Variants in TRAIP observed in about 807,000 individuals in gnomAD.
TRAIP encodes TRAF interacting protein, also known as E3 ubiquitin-protein ligase TRAIP.
TRAIP carries 37 observed loss-of-function variants against 65.0 expected under a neutral mutation model. The ratio of observed to expected loss-of-function variants is 0.57; its 90% CI spans 0.44 to 0.75. TRAIP has a LOEUF of 0.75. Ranked by LOEUF, TRAIP falls within the 30% of genes least tolerant of loss-of-function variation. The pLI is 0.00. For missense variants in TRAIP, 481 were observed against 579.4 expected, an observed-to-expected ratio of 0.83 and a Z score of 1.74; for synonymous variants, 187 against 219.1, an observed-to-expected ratio of 0.85 and a Z score of 1.29.
chr3:49,841,797 T>C (rs1296907326), intron 7 of TRAIP, 29 bp downstream of exon 7: 2 of 1,589,050 alleles, frequency 1.3e-6, no homozygotes, highest in African/African-American at 2.7e-5. Flanking sequence ...CTATCTCCTG[T>C]GTTTGCTGAG....
At chr3:49,852,987 T>C (rs1462539001) in intron 1 of TRAIP, among the ~76,000 whole-genome samples, 4 of 151,094 alleles carry the variant, frequency 2.6e-5, no homozygotes, top group African/African-American at 9.7e-5. Context: ...CCGGGCATGA[T>C]GACACGTGCC....
rs762830096 is a variant in TRAIP at position 49,840,305 on chromosome 3, C to T, written c.774G>A (p.Gln258=). The T allele has an allele frequency of 3.1e-6, 5 of 1,614,186 alleles. No individual in the cohort carries two copies. The South Asian group carries it at 5.5e-5, about 18-fold the overall frequency. The change falls in exon 9 of 15, where the codon CAG becomes CAA. Residue 258 remains glutamine (Q), a synonymous_variant. Transcript: ENST00000331456. The part of the protein sequence containing the change: ...LELKSAQKDL[Q]SADKEIMSLK... Reference sequence around the variant, plus strand: ...TCACCATGATTTCCTTGTCAGCACTCTGTAAGTCCTTCTGGGCTGACTTCA... The same window carrying T: ...TCACCATGATTTCCTTGTCAGCACTTTGTAAGTCCTTCTGGGCTGACTTCA...
At chr3:49,842,395 G>T in intron 6 of TRAIP, 58 bp downstream of exon 6, 1 of 1,541,438 alleles carries the variant, frequency 6.5e-7, no homozygotes, top group East Asian at 2.2e-5. Flanking sequence ...CCTAAGAACT[G>T]TACCACTTGC....
intron 7 of TRAIP, 62 bp from the exon 8 acceptor site, chr3:49,841,134 A>G (rs2081836123): frequency 1.4e-6 from 2 of 1,396,906 alleles, no homozygotes; most frequent in African/African-American, 1.4e-5. Flanking sequence ...ACTGAGCCAC[A>G]GCACTAATCT....
chr3:49,856,287 G>C, intron 1 of TRAIP, 69 bp downstream of exon 1: 4 of 1,386,234 alleles, frequency 2.9e-6, no homozygotes, highest in Non-Finnish European at 4.1e-6. Context: ...ACCGCCTGGA[G>C]GCCCAACACC....
intron 10 of TRAIP, among the ~76,000 whole-genome samples, chr3:49,832,715 G>GT (rs2081746889): frequency 1.1e-5 from 1 of 87,496 alleles, no homozygotes; most frequent in Non-Finnish European, 2.6e-5. Context: ...GGGGGGGGGG[G>GT]GTGGGGGGTG....
At chr3:49,832,445 G>A (rs1229016283) in intron 10 of TRAIP, among the ~76,000 whole-genome samples, 2 of 147,734 alleles carry the variant, frequency 1.4e-5, no homozygotes, top group Middle Eastern at 3.6e-3. Flanking sequence ...AGCCGAGATC[G>A]CGCCACTGCA....
At chr3:49,837,320 G>A (rs932556774) in intron 10 of TRAIP, among the ~76,000 whole-genome samples, 1 of 151,994 alleles carries the variant, frequency 6.6e-6, no homozygotes, top group Non-Finnish European at 1.5e-5. Flanking sequence ...GGTGGCTCAC[G>A]CTCGTAATCC....
chr3:49,835,230 C>G (rs2081771573), intron 10 of TRAIP, among the ~76,000 whole-genome samples: 1 of 152,088 alleles, frequency 6.6e-6, no homozygotes, highest in African/African-American at 2.4e-5. Context: ...AATATGATTA[C>G]TGATTCAGCC....
intron 10 of TRAIP, among the ~76,000 whole-genome samples, chr3:49,835,645 T>C (rs1336228162): frequency 1.3e-5 from 2 of 152,074 alleles, no homozygotes; most frequent in Non-Finnish European, 2.9e-5. Context: ...TTAAAAAACT[T>C]AAGAAACTTC....
At chr3:49,847,392 AAAG>A (rs2081893098) in intron 3 of TRAIP, 130 bp downstream of exon 3, 1 of 666,928 alleles carries the variant, frequency 1.5e-6, no homozygotes, top group South Asian at 1.9e-5. Flanking sequence ...TAAAAAAAGA[AAAG>A]AAAAGAAAAG....
At chr3:49,837,193 A>C (rs1182366858) in intron 10 of TRAIP, among the ~76,000 whole-genome samples, 1 of 152,082 alleles carries the variant, frequency 6.6e-6, no homozygotes, top group African/African-American at 2.4e-5. Context: ...TGTAGTTCTG[A>C]GGGTCTTGCC....
intron 10 of TRAIP, among the ~76,000 whole-genome samples, chr3:49,834,484 C>G (rs1264001036): frequency 6.6e-6 from 1 of 152,196 alleles, no homozygotes; most frequent in Non-Finnish European, 1.5e-5. Context: ...AACTGGAACA[C>G]TGATGAAATT....
In TRAIP at chr3:49,856,469, G is replaced by A. The variant is rs757532726; in HGVS notation, c.-16C>T. ...GGATAGGCATGATGGCTGGACTCAA[G>A]GGGCCCAGGCAGCCAAAGAAACTGC... On this transcript the variant is annotated 5_prime_UTR_variant, in exon 1 of 15. Transcript: ENST00000331456. 6.2e-7 allele frequency: 1 copy of A among 1,610,414 alleles called. No homozygotes were observed. The highest frequency in any genetic ancestry group is 2.2e-5 in the East Asian group (1 of 44,744).
intron 1 of TRAIP, among the ~76,000 whole-genome samples, chr3:49,856,154 T>C (rs1180300516): frequency 5.3e-5 from 8 of 152,224 alleles, no homozygotes; most frequent in Non-Finnish European, 1.0e-4. Flanking sequence ...CCCCTCAGGC[T>C]TAGCTCAGCT....
At position 49,829,702 on chromosome 3, in the gene TRAIP, G is replaced by T; in HGVS notation, c.1151C>A (p.Ala384Asp). The change falls in exon 13 of 15, where the codon GCC becomes GAC. Residue 384 changes from alanine to aspartate, a missense_variant. Physicochemically the swap from Ala to Asp is moderately radical, Grantham distance 126 (BLOSUM62 -2). Coordinates refer to ENST00000331456, the MANE Select transcript of TRAIP (RefSeq NM_005879.3). The stretch of plus-strand genomic sequence containing the variant: ...GGCATTCCGGACAAAAATAGGGAAG[G>T]CACCAACCAGTTCCTCATCTGGCTC... ...AGEPDEELVG[A>D]FPIFVRNAIL... 3 of 1,614,166 alleles carry T rather than the reference G, an allele frequency of 1.9e-6. No individual in the cohort carries two copies. The highest frequency in any genetic ancestry group is 2.5e-6 in the Non-Finnish European group (3 of 1,180,026).
In TRAIP at chr3:49,833,549, G is replaced by T. The variant is rs531426400; in HGVS notation, c.885-1481C>A. Among the ~76,000 whole-genome samples, 15 of 150,744 alleles carry T rather than the reference G, an allele frequency of 1.0e-4. No homozygotes were observed. The South Asian group carries it at 2.5e-3, about 25-fold the overall frequency. On this transcript the variant is annotated intron_variant, in intron 10 of 14. Transcript: ENST00000331456. ...GGCTGGAGTGCAGTGGTGCGATCTC[G>T]GCTCACTGCAAGCTCCGCCTTCCGG...
intron 4 of TRAIP, 77 bp from the exon 5 acceptor site, chr3:49,844,005 C>A (rs1030785139): frequency 1.3e-6 from 2 of 1,529,048 alleles, no homozygotes; most frequent in Non-Finnish European, 1.8e-6. Flanking sequence ...CCCTTGGATT[C>A]AGTGCCTCAT....
chr3:49,831,964 G>A lies in TRAIP; in HGVS notation c.989C>T (p.Ser330Phe), dbSNP rs777634395. The A allele has an allele frequency of 9.4e-6, 15 of 1,604,168 alleles. No homozygotes were observed. The Admixed American group carries it at 2.6e-4, about 27-fold the overall frequency. Residue 330 changes from serine to phenylalanine, a missense_variant, in exon 11 of 15, where the codon TCC becomes TTC. Coordinates refer to ENST00000331456, the MANE Select transcript of TRAIP (RefSeq NM_005879.3). Reference protein sequence around the residue: ...FDVDTPPARPSSSQHGYYEKL... With the variant: ...FDVDTPPARPFSSQHGYYEKL... The stretch of plus-strand genomic sequence containing the variant: ...TTCGTAGTAACCATGCTGGGAGCTG[G>A]AGGGCCGGGCTGGGGGAGTATCCAC...
Sources: allele counts gnomAD v4.1 joint callset (sites outside exome capture counted in the v4.1 genomes callset), GRCh38; gene constraint gnomAD v4.1.1; transcripts MANE v1.5; gene names NCBI Gene and HGNC (gene_info 2026-07-23, HGNC 2026-07-21).